SYNPO2: variants seen among roughly 807,000 people sequenced by gnomAD.
SYNPO2 encodes the protein synaptopodin-2.
SYNPO2 carries 56 observed loss-of-function variants against 85.0 expected under a neutral mutation model. The observed-to-expected ratio is 0.66, with a 90% confidence interval of 0.53 to 0.82. The LOEUF (loss-of-function observed/expected upper bound fraction) is 0.82, where lower values mean the gene tolerates loss of function less well. Ranked by LOEUF, SYNPO2 falls within the 40% of genes least tolerant of loss-of-function variation. The probability of loss-of-function intolerance (pLI) is 0.00; values close to 1 mark genes in which losing one functional copy is unlikely to be tolerated. For synonymous variants in SYNPO2, 602 were observed against 591.1 expected (o/e 1.02, Z -0.27); for missense variants, 1,575 against 1,534.2 (o/e 1.03, Z -0.44).
At chr4:118,878,634 A>C (rs1459092815) in intron 1 of SYNPO2, among the ~76,000 whole-genome samples, 2 of 152,108 alleles carry the variant, frequency 1.3e-5, no homozygotes, top group Admixed American at 6.5e-5. Context: ...TGTCTAGCTA[A>C]AGGTTTATAA....
intron 1 of SYNPO2, among the ~76,000 whole-genome samples, chr4:119,007,279 T>C (rs1156429752): frequency 4.7e-5 from 4 of 84,328 alleles, no homozygotes; most frequent in Admixed American, 1.3e-4. Flanking sequence ...TATATATGTA[T>C]ATACATATAT....
chr4:118,921,418 T>C (rs1444163600), intron 1 of SYNPO2, among the ~76,000 whole-genome samples: 1 of 152,128 alleles, frequency 6.6e-6, no homozygotes, highest in Non-Finnish European at 1.5e-5. Context: ...CTGACGTATC[T>C]AGAACATCTA....
chr4:118,885,150 A>G (rs193137993), upstream of SYNPO2, among the ~76,000 whole-genome samples: 65 of 152,350 alleles, frequency 4.3e-4, no homozygotes, highest in Non-Finnish European at 9.3e-4. Flanking sequence ...TGAATCATCA[A>G]ATTCAAGGTA....
chr4:118,965,905 G>A (rs1252204829), intron 1 of SYNPO2, among the ~76,000 whole-genome samples: 4 of 149,238 alleles, frequency 2.7e-5, no homozygotes, highest in African/African-American at 7.4e-5. Context: ...CAAAATATGA[G>A]GCCCTGTCAC....
At chr4:119,026,110 A>G (rs1560993983) in intron 2 of SYNPO2, among the ~76,000 whole-genome samples, 1 of 152,186 alleles carries the variant, frequency 6.6e-6, no homozygotes, top group African/African-American at 2.4e-5. Flanking sequence ...ACACATGCTC[A>G]CTGGGGCTTA....
intron 1 of SYNPO2, among the ~76,000 whole-genome samples, chr4:118,926,719 G>A (rs1462834934): frequency 6.6e-6 from 1 of 152,138 alleles, no homozygotes; most frequent in Non-Finnish European, 1.5e-5. Context: ...GTTAAATGGT[G>A]TAATGAAACA....
intron 1 of SYNPO2, among the ~76,000 whole-genome samples, chr4:118,891,342 T>C (rs1426559043): frequency 6.6e-6 from 1 of 152,198 alleles, no homozygotes; most frequent in African/African-American, 2.4e-5. Context: ...TGTTTGTGTG[T>C]GCAAGAGAGA....
At chr4:119,010,509 C>T (rs943982002) in intron 1 of SYNPO2, among the ~76,000 whole-genome samples, 1 of 152,184 alleles carries the variant, frequency 6.6e-6, no homozygotes, top group Non-Finnish European at 1.5e-5. Flanking sequence ...CCAGGTCCCC[C>T]CCACAACATG....
chr4:118,891,566 T>A (rs1348608404), intron 1 of SYNPO2, among the ~76,000 whole-genome samples: 1 of 152,270 alleles, frequency 6.6e-6, no homozygotes, highest in Non-Finnish European at 1.5e-5. Flanking sequence ...TATCACTTTC[T>A]CTGTTATCAA....
chr4:118,876,673 CT>C (rs1278763448), intron 1 of SYNPO2, among the ~76,000 whole-genome samples: 1 of 5,726 alleles, frequency 1.7e-4, no homozygotes, highest in Non-Finnish European at 3.8e-4. Flanking sequence ...CTTTCTCTTT[CT>C]TTCTTTCTTT....
chr4:118,889,154 C>A lies in SYNPO2; in HGVS notation c.105+13C>A, dbSNP rs762722021. Reference sequence around the variant, plus strand: ...ACAAGTTGCAAAGGTAGGACCTGAACGAAGTGTCACGGCTCTGTGCTAGGA... The same window carrying A: ...ACAAGTTGCAAAGGTAGGACCTGAAAGAAGTGTCACGGCTCTGTGCTAGGA... On this transcript the variant is annotated intron_variant, in intron 1 of 4. Transcript: ENST00000307142. 1 of 1,612,440 alleles carries A rather than the reference C, an allele frequency of 6.2e-7. No homozygotes were observed. Among genetic ancestry groups the A allele is most frequent in the South Asian group, 1.1e-5 (1 of 90,852 alleles).
At chr4:118,860,341 T>C (rs1293803462) in intron 1 of SYNPO2, among the ~76,000 whole-genome samples, 1 of 151,964 alleles carries the variant, frequency 6.6e-6, no homozygotes, top group Non-Finnish European at 1.5e-5. Flanking sequence ...CCTCTCAGGC[T>C]CCAGTGAGCC....
At chr4:118,957,986 A>G (rs995952311) in intron 1 of SYNPO2, among the ~76,000 whole-genome samples, 2 of 152,206 alleles carry the variant, frequency 1.3e-5, no homozygotes, top group African/African-American at 4.8e-5. Context: ...ACTTATGTGG[A>G]GAACACAGTG....
chr4:118,945,705 A>G (rs1560896142), intron 1 of SYNPO2, among the ~76,000 whole-genome samples: 1 of 152,162 alleles, frequency 6.6e-6, no homozygotes, highest in Non-Finnish European at 1.5e-5. Context: ...TTTTTCTTAT[A>G]GCTGTCTTGA....
intron 1 of SYNPO2, among the ~76,000 whole-genome samples, chr4:118,855,111 A>G (rs1487234518): frequency 7.2e-6 from 1 of 138,488 alleles, no homozygotes; most frequent in Non-Finnish European, 1.6e-5. Flanking sequence ...GTTCCAATTT[A>G]TTTTTACTAA....
intron 1 of SYNPO2, among the ~76,000 whole-genome samples, chr4:118,941,252 C>G (rs571892424): frequency 7.4e-4 from 112 of 152,296 alleles, no homozygotes; most frequent in African/African-American, 2.6e-3. Context: ...TTCATCAGCT[C>G]TACTTAGTTC....
At chr4:118,973,129 A>G (rs1735597448) in intron 1 of SYNPO2, among the ~76,000 whole-genome samples, 1 of 152,084 alleles carries the variant, frequency 6.6e-6, no homozygotes, top group Admixed American at 6.6e-5. Flanking sequence ...AGAGTGAAAA[A>G]CGTTTGAATT....
Position 119,058,196 on chromosome 4 carries a change from T to G in SYNPO2, c.*262T>G. On this transcript the variant is annotated 3_prime_UTR_variant, in exon 5 of 5. Transcript: ENST00000307142. ...ATTACTTGGAAGAAAATTTCACTAT[T>G]TGCATTGATGTGCTGGCATTTATAT... The G allele has an allele frequency of 4.0e-6, 1 of 250,390 alleles. No homozygotes were observed. Among genetic ancestry groups the G allele is most frequent in the Non-Finnish European group, 7.7e-6 (1 of 130,386 alleles). The allele number at this position is 250,390 out of a possible 1,614,324, so 15.5% of individuals were successfully genotyped here.
chr4:119,049,786 AG>A (rs1193356167), intron 4 of SYNPO2, among the ~76,000 whole-genome samples: 1 of 152,212 alleles, frequency 6.6e-6, no homozygotes, highest in East Asian at 1.9e-4. Context: ...AAGCTGAGAA[AG>A]GCCCTCAGCT....
Sources: allele counts gnomAD v4.1 joint callset (sites outside exome capture counted in the v4.1 genomes callset), GRCh38; gene constraint gnomAD v4.1.1; transcripts MANE v1.5; gene names NCBI Gene and HGNC (gene_info 2026-07-23, HGNC 2026-07-21).